GALNTL6: variants seen among roughly 807,000 people sequenced by gnomAD.
The protein encoded by GALNTL6 is polypeptide N-acetylgalactosaminyltransferase-like 6.
In GALNTL6, 46 loss-of-function variants were observed where a neutral mutation model predicts 73.7. The ratio of observed to expected loss-of-function variants is 0.62; its 90% CI spans 0.49 to 0.80. The LOEUF (loss-of-function observed/expected upper bound fraction) is 0.80. Ranked by LOEUF, GALNTL6 falls within the 30% of genes least tolerant of loss-of-function variation. The probability of loss-of-function intolerance (pLI) is 0.00; values close to 1 mark genes in which losing one functional copy is unlikely to be tolerated. For synonymous variants in GALNTL6, 259 were observed against 263.7 expected (o/e 0.98, Z 0.17); for missense variants, 604 against 755.0 (o/e 0.80, Z 2.34).
At chr4:172,010,545 A>G (rs1367080603) in intron 2 of GALNTL6, among the ~76,000 whole-genome samples, 1 of 151,966 alleles carries the variant, frequency 6.6e-6, no homozygotes, top group Non-Finnish European at 1.5e-5. Context: ...CAACTGATAT[A>G]TAAAAGGAGA....
chr4:172,863,753 T>C (rs1744515854), intron 7 of GALNTL6, among the ~76,000 whole-genome samples: 1 of 152,106 alleles, frequency 6.6e-6, no homozygotes. Flanking sequence ...GTTAAGATAT[T>C]GGGGGAACTG....
intron 2 of GALNTL6, among the ~76,000 whole-genome samples, chr4:172,113,577 C>G (rs916157427): frequency 1.6e-4 from 24 of 152,044 alleles, no homozygotes; most frequent in African/African-American, 5.8e-4. Context: ...TTCCCCAACA[C>G]TGTGAATGCT....
Position 172,161,026 on chromosome 4 carries a change from A to G in GALNTL6, c.139-68630A>G, listed in dbSNP as rs1049763548. Among the ~76,000 whole-genome samples the G allele has an allele frequency of 9.7e-4, 147 of 151,992 alleles. 1 individual carries two copies. Among genetic ancestry groups the G allele is most frequent in the Non-Finnish European group, 3.1e-4 (21 of 67,900 alleles). On this transcript the variant is annotated intron_variant, in intron 2 of 12. Transcript: ENST00000506823. The stretch of plus-strand genomic sequence containing the variant: ...AGGTATGTTTAAATGCAGGTGAAAG[A>G]TGTAATAATCAATGGAGGGACATCC...
chr4:172,582,723 T>C (rs1252795958), intron 5 of GALNTL6, among the ~76,000 whole-genome samples: 1 of 149,214 alleles, frequency 6.7e-6, no homozygotes, highest in African/African-American at 2.5e-5. Flanking sequence ...ATTCCAGTAC[T>C]CATTGGGAAA....
intron 2 of GALNTL6, among the ~76,000 whole-genome samples, chr4:172,113,205 C>T (rs938843742): frequency 2.0e-5 from 3 of 151,964 alleles, no homozygotes; most frequent in Non-Finnish European, 2.9e-5. Context: ...ATTTCACTAG[C>T]CTCACATTCT....
chr4:172,276,958 G>C (rs1416914901), intron 3 of GALNTL6, among the ~76,000 whole-genome samples: 1 of 151,914 alleles, frequency 6.6e-6, no homozygotes, highest in Non-Finnish European at 1.5e-5. Flanking sequence ...ATTGAGTTCA[G>C]CTGGGTTTGA....
At chr4:172,058,867 C>A (rs1177149565) in intron 2 of GALNTL6, among the ~76,000 whole-genome samples, 1 of 152,126 alleles carries the variant, frequency 6.6e-6, no homozygotes, top group Non-Finnish European at 1.5e-5. Context: ...ATTTAGAAGA[C>A]GGTGACTTGA....
intron 2 of GALNTL6, among the ~76,000 whole-genome samples, chr4:172,055,756 G>C (rs936747006): frequency 6.6e-6 from 1 of 152,162 alleles, no homozygotes; most frequent in African/African-American, 2.4e-5. Flanking sequence ...ATAGAATGTA[G>C]CTTTGACAAC....
intron 2 of GALNTL6, among the ~76,000 whole-genome samples, chr4:171,917,003 G>A (rs1737651221): frequency 6.6e-6 from 1 of 152,010 alleles, no homozygotes; most frequent in Non-Finnish European, 1.5e-5. Context: ...TGTGGGAAGT[G>A]AGAAAAAATA....
chr4:172,529,670 T>TTTGTTGTTGTTG (rs10642038), intron 5 of GALNTL6, among the ~76,000 whole-genome samples: 2 of 148,126 alleles, frequency 1.4e-5, no homozygotes. Context: ...ACCTAATTTG[T>TTTGTTGTTGTTG]TTGTTGTTGT....
At chr4:172,633,449 T>C (rs1051461681) in intron 5 of GALNTL6, among the ~76,000 whole-genome samples, 2 of 152,244 alleles carry the variant, frequency 1.3e-5, no homozygotes, top group African/African-American at 4.8e-5. Flanking sequence ...CCCCTTCATT[T>C]TGGCCAATTT....
intron 9 of GALNTL6, among the ~76,000 whole-genome samples, chr4:172,941,011 T>G (rs1748893535): frequency 6.6e-6 from 1 of 152,220 alleles, no homozygotes; most frequent in South Asian, 2.1e-4. Flanking sequence ...TCTTCCAACT[T>G]ATTTACTCTA....
At chr4:171,966,892 T>C (rs772549407) in intron 2 of GALNTL6, among the ~76,000 whole-genome samples, 9 of 152,116 alleles carry the variant, frequency 5.9e-5, no homozygotes, top group Non-Finnish European at 1.3e-4. Flanking sequence ...TTGTTGTACT[T>C]TAATTAATTA....
intron 5 of GALNTL6, among the ~76,000 whole-genome samples, chr4:172,612,789 A>G (rs1001789386): frequency 3.3e-4 from 51 of 152,262 alleles, no homozygotes; most frequent in African/African-American, 1.1e-3. Flanking sequence ...AAACAAATGC[A>G]AAAGAGAATT....
chr4:171,880,634 GAGAGTC>G (rs1165441061), intron 2 of GALNTL6, among the ~76,000 whole-genome samples: 3 of 152,160 alleles, frequency 2.0e-5, no homozygotes, highest in African/African-American at 7.2e-5. Flanking sequence ...AAGGTGGGAA[GAGAGTC>G]AGACGAAAGT....
At chr4:171,863,050 G>C (rs148366590) in intron 2 of GALNTL6, among the ~76,000 whole-genome samples, 17 of 152,236 alleles carry the variant, frequency 1.1e-4, no homozygotes, top group African/African-American at 4.1e-4. Context: ...AAAGAATTTT[G>C]TATGTAGGAA....
chr4:172,015,302 T>C (rs1288164552), intron 2 of GALNTL6, among the ~76,000 whole-genome samples: 1 of 152,084 alleles, frequency 6.6e-6, no homozygotes, highest in Non-Finnish European at 1.5e-5. Flanking sequence ...TTTATCATTA[T>C]ATAATGTCCT....
chr4:172,606,544 G>C (rs1738269338), intron 5 of GALNTL6, among the ~76,000 whole-genome samples: 1 of 121,794 alleles, frequency 8.2e-6, no homozygotes, highest in South Asian at 2.7e-4. Flanking sequence ...ATATAAGAAG[G>C]AAGTGTATAT....
At chr4:172,182,553 C>CAAAAAAAAAAAAAAAA (rs34354883) in intron 2 of GALNTL6, among the ~76,000 whole-genome samples, 1 of 127,458 alleles carries the variant, frequency 7.8e-6, no homozygotes, top group African/African-American at 2.9e-5. Context: ...TGAAAAATAC[C>CAAAAAAAAAAAAAAAA]AAAAAAAAAA....
Sources: allele counts gnomAD v4.1 joint callset (sites outside exome capture counted in the v4.1 genomes callset), GRCh38; gene constraint gnomAD v4.1.1; transcripts MANE v1.5; gene names NCBI Gene and HGNC (gene_info 2026-07-23, HGNC 2026-07-21).